Variants in MDGA2 observed in about 807,000 individuals in gnomAD.
MDGA2 encodes MAM domain-containing glycosylphosphatidylinositol anchor protein 2.
Under a neutral mutation model 117.8 loss-of-function variants are expected in MDGA2, and 40 were observed. That is an observed-to-expected ratio of 0.34 (90% CI 0.26 to 0.44). The LOEUF (loss-of-function observed/expected upper bound fraction) is 0.44, where lower values mean the gene tolerates loss of function less well. MDGA2 is among the 20% of genes least tolerant of loss of function. MDGA2 has a pLI of 1.00. For missense variants in MDGA2, 1,123 were observed against 1,250.6 expected, an observed-to-expected ratio of 0.90 and a Z score of 1.54; for synonymous variants, 452 against 439.0, an observed-to-expected ratio of 1.03 and a Z score of -0.37.
chr14:47,169,411 A>C (rs964354736), intron 3 of MDGA2, among the ~76,000 whole-genome samples: 4 of 151,834 alleles, frequency 2.6e-5, no homozygotes, highest in African/African-American at 9.7e-5. Flanking sequence ...ATTTGAATTA[A>C]GTTGTATGCA....
In MDGA2 at chr14:46,911,751, G is replaced by A. The variant is rs545905980; in HGVS notation, c.2238+8261C>T. On this transcript the variant is annotated intron_variant, in intron 10 of 16. Coordinates refer to ENST00000399232, the MANE Select transcript of MDGA2 (RefSeq NM_001113498.3). ...ATATTTCTGGTAATAAAAACATCACGAAACTTCTAAATAAAGCCCCAAACA... is the reference window on the plus strand; with the variant it reads ...ATATTTCTGGTAATAAAAACATCACAAAACTTCTAAATAAAGCCCCAAACA... Among the ~76,000 whole-genome samples, 24 of 152,152 alleles carry A rather than the reference G, an allele frequency of 1.6e-4. 1 individual carries two copies. Among genetic ancestry groups the A allele is most frequent in the African/African-American group, 5.8e-4 (24 of 41,504 alleles).
At chr14:47,008,119 T>C (rs1268607949) in intron 8 of MDGA2, among the ~76,000 whole-genome samples, 2 of 151,876 alleles carry the variant, frequency 1.3e-5, no homozygotes, top group Non-Finnish European at 2.9e-5. Context: ...AATGGATAAA[T>C]ATATACTGAG....
chr14:46,969,772 CG>C, intron 8 of MDGA2, among the ~76,000 whole-genome samples: 1 of 151,026 alleles, frequency 6.6e-6, no homozygotes, highest in South Asian at 2.1e-4. Context: ...CATCACACAC[CG>C]GGGCCCGTTG....
In MDGA2 at chr14:47,339,443, G is replaced by A. The variant is rs574929314; in HGVS notation, c.281-37893C>T. Among the ~76,000 whole-genome samples, 390 of 152,194 alleles carry A rather than the reference G, an allele frequency of 2.6e-3. 2 individuals are homozygous for A. Among genetic ancestry groups the A allele is most frequent in the African/African-American group, 9.2e-3 (381 of 41,548 alleles). On this transcript the variant is annotated intron_variant, in intron 1 of 16. Coordinates refer to ENST00000399232, the MANE Select transcript of MDGA2 (RefSeq NM_001113498.3). ...TAATCCCCAGTGTGGTGGTATTGTG[G>A]TCAGTGAGATCTAGTGGGAGGTGTT...
At chr14:46,876,735 T>C (rs1245598438) in intron 12 of MDGA2, among the ~76,000 whole-genome samples, 2 of 151,550 alleles carry the variant, frequency 1.3e-5, no homozygotes, top group Admixed American at 1.3e-4. Context: ...AGAATCCTGA[T>C]ACCCAGTGGT....
chr14:47,261,188 A>T lies in MDGA2; in HGVS notation c.420+40223T>A, dbSNP rs529422634. Among the ~76,000 whole-genome samples, 11 of 152,252 alleles carry T rather than the reference A, an allele frequency of 7.2e-5. No homozygotes were observed. In the South Asian group the frequency reaches 2.3e-3, roughly 32 times the overall value. ...ATTTATAACTAGCAGCACATTTTTG[A>T]TGCCTCCTCAATATCATGTTCTTCA... is the stretch of plus-strand genomic sequence containing the variant. On this transcript the variant is annotated intron_variant, in intron 2 of 16. Transcript: ENST00000399232.
chr14:47,448,045 T>A (rs1294323847), intron 1 of MDGA2, among the ~76,000 whole-genome samples: 1 of 152,116 alleles, frequency 6.6e-6, no homozygotes, highest in Non-Finnish European at 1.5e-5. Context: ...TAGCAATCCC[T>A]CTTATTCTAG....
intron 5 of MDGA2, among the ~76,000 whole-genome samples, chr14:47,110,407 T>C (rs1395193410): frequency 6.6e-6 from 1 of 152,170 alleles, no homozygotes; most frequent in Non-Finnish European, 1.5e-5. Context: ...GCAGAAGAGA[T>C]AAAGACATCA....
intron 1 of MDGA2, among the ~76,000 whole-genome samples, chr14:47,634,773 T>G (rs541129791): frequency 6.6e-6 from 1 of 152,220 alleles, no homozygotes; most frequent in African/African-American, 2.4e-5. Context: ...ATTTACTTTG[T>G]GACAAATGAA....
intron 1 of MDGA2, among the ~76,000 whole-genome samples, chr14:47,491,695 C>T (rs1008660259): frequency 6.6e-6 from 1 of 151,812 alleles, no homozygotes; most frequent in African/African-American, 2.4e-5. Flanking sequence ...CTTTTTTTCT[C>T]CCCAAGAATA....
chr14:47,546,969 A>T (rs1433278447), intron 1 of MDGA2, among the ~76,000 whole-genome samples: 2 of 152,162 alleles, frequency 1.3e-5, no homozygotes, highest in African/African-American at 4.8e-5. Context: ...AACCAAGGTT[A>T]TTTGTCCTCC....
At chr14:47,171,382 A>G (rs1884126552) in intron 3 of MDGA2, among the ~76,000 whole-genome samples, 1 of 152,174 alleles carries the variant, frequency 6.6e-6, no homozygotes, top group South Asian at 2.1e-4. Context: ...AAAATATCAA[A>G]CAATTTCACA....
chr14:47,037,331 T>C (rs1888890601), intron 7 of MDGA2, among the ~76,000 whole-genome samples: 2 of 152,176 alleles, frequency 1.3e-5, no homozygotes, highest in Admixed American at 1.3e-4. Flanking sequence ...ATTAAGAACA[T>C]TGAGAATAAC....
intron 5 of MDGA2, among the ~76,000 whole-genome samples, chr14:47,117,389 T>C (rs1881389377): frequency 6.6e-6 from 1 of 152,060 alleles, no homozygotes; most frequent in Non-Finnish European, 1.5e-5. Context: ...TAATCCTACT[T>C]CCAGGACTGC....
intron 1 of MDGA2, among the ~76,000 whole-genome samples, chr14:47,517,497 C>A (rs1020998229): frequency 1.3e-5 from 2 of 151,658 alleles, no homozygotes; most frequent in Non-Finnish European, 2.9e-5. Flanking sequence ...AAGCAATATG[C>A]AAATCACAGA....
intron 9 of MDGA2, among the ~76,000 whole-genome samples, chr14:46,953,265 A>T (rs1885434017): frequency 6.6e-6 from 1 of 151,732 alleles, no homozygotes; most frequent in Non-Finnish European, 1.5e-5. Context: ...CTCAATTATA[A>T]TTTATGGTTA....
chr14:47,343,060 G>C (rs754566953), intron 1 of MDGA2: 70 of 1,285,042 alleles, frequency 5.4e-5, no homozygotes, highest in Non-Finnish European at 6.8e-5. Flanking sequence ...TCCTGCGGCA[G>C]ATCCCAAGGG....
At chr14:47,223,353 T>C (rs1886366926) in intron 2 of MDGA2, among the ~76,000 whole-genome samples, 1 of 152,202 alleles carries the variant, frequency 6.6e-6, no homozygotes, top group Non-Finnish European at 1.5e-5. Context: ...AAAAAACTCA[T>C]CTGAATTTAT....
intron 1 of MDGA2, among the ~76,000 whole-genome samples, chr14:47,347,321 C>T (rs576674626): frequency 1.3e-5 from 2 of 152,178 alleles, no homozygotes; most frequent in South Asian, 4.1e-4. Flanking sequence ...GGCAATAATG[C>T]CCGTATTTGA....
Sources: gnomAD v4.1 joint callset for allele counts (sites outside exome capture counted in the v4.1 genomes callset) on GRCh38, gnomAD v4.1.1 for gene constraint, MANE v1.5 for transcripts, NCBI Gene and HGNC (gene_info 2026-07-23, HGNC 2026-07-21) for gene names.